Variants in NAALADL2 observed in about 807,000 individuals in gnomAD.
NAALADL2 encodes the protein N-acetylated alpha-linked acidic dipeptidase like 2.
Under a neutral mutation model 87.2 loss-of-function variants are expected in NAALADL2, and 76 were observed. The observed-to-expected ratio is 0.87, with a 90% CI of 0.72 to 1.05. NAALADL2 has a LOEUF of 1.05. Ranked by LOEUF, NAALADL2 falls within the 50% of genes least tolerant of loss-of-function variation. The probability of loss-of-function intolerance (pLI) is 0.00; values close to 1 mark genes in which losing one functional copy is unlikely to be tolerated. For missense variants in NAALADL2, 1,089 were observed against 945.8 expected, an observed-to-expected ratio of 1.15 and a Z score of -1.99; for synonymous variants, 354 against 331.0, an observed-to-expected ratio of 1.07 and a Z score of -0.75.
At chr3:175,510,484 C>A (rs2149392834) in intron 9 of NAALADL2, among the ~76,000 whole-genome samples, 1 of 152,246 alleles carries the variant, frequency 6.6e-6, no homozygotes, top group Non-Finnish European at 1.5e-5. Context: ...ATTAGATCTG[C>A]AAGTCTCCTA....
intron 1 of NAALADL2, among the ~76,000 whole-genome samples, chr3:174,884,754 C>T (rs923530980): frequency 1.3e-5 from 2 of 152,150 alleles, no homozygotes; most frequent in Non-Finnish European, 2.9e-5. Context: ...TGCCTGTTCT[C>T]CAGATTTCTG....
At chr3:174,720,556 A>G (rs976844070) in intron 2 of NAALADL2, among the ~76,000 whole-genome samples, 1 of 152,200 alleles carries the variant, frequency 6.6e-6, no homozygotes, top group African/African-American at 2.4e-5. Context: ...TATTGTAAAG[A>G]CTGAGACAAA....
intron 9 of NAALADL2, among the ~76,000 whole-genome samples, chr3:175,573,618 A>G (rs77375657): frequency 8.5e-5 from 13 of 152,378 alleles, no homozygotes; most frequent in African/African-American, 3.1e-4. Flanking sequence ...CTCGGGATTT[A>G]TAACATGATA....
At chr3:175,353,922 C>T (rs911478062) in intron 5 of NAALADL2, among the ~76,000 whole-genome samples, 1 of 152,130 alleles carries the variant, frequency 6.6e-6, no homozygotes, top group Non-Finnish European at 1.5e-5. Flanking sequence ...TGAAATTACC[C>T]AACAGCTGGA....
chr3:175,777,764 T>A (rs968755157), intron 13 of NAALADL2, among the ~76,000 whole-genome samples: 3 of 152,152 alleles, frequency 2.0e-5, no homozygotes, highest in Non-Finnish European at 4.4e-5. Flanking sequence ...CTGTAGTTTA[T>A]CCAGACCACA....
chr3:175,364,847 TAGTC>T (rs1311708318), intron 5 of NAALADL2, among the ~76,000 whole-genome samples: 2 of 147,884 alleles, frequency 1.4e-5, no homozygotes, highest in East Asian at 2.0e-4. Flanking sequence ...GATCACAAGT[TAGTC>T]AGTGGAGGAA....
At chr3:175,435,246 T>C (rs911935023) in intron 5 of NAALADL2, among the ~76,000 whole-genome samples, 1 of 152,014 alleles carries the variant, frequency 6.6e-6, no homozygotes, top group African/African-American at 2.4e-5. Context: ...AAAATGTCTT[T>C]AAAGAACACG....
At chr3:175,587,018 G>C (rs1720632026) in intron 10 of NAALADL2, among the ~76,000 whole-genome samples, 1 of 152,164 alleles carries the variant, frequency 6.6e-6, no homozygotes, top group Non-Finnish European at 1.5e-5. Flanking sequence ...ATTAAAGTAA[G>C]ATCAGAGGCA....
chr3:175,097,352 G>A (rs548231198), intron 2 of NAALADL2, 61 bp downstream of exon 2: 1 of 1,480,402 alleles, frequency 6.8e-7, no homozygotes, highest in African/African-American at 1.4e-5. Context: ...GTCTCACAGG[G>A]GGTATTGAAC....
chr3:175,164,169 A>G (rs545152674), intron 2 of NAALADL2, among the ~76,000 whole-genome samples: 92 of 152,232 alleles, frequency 6.0e-4, no homozygotes, highest in Admixed American at 1.7e-3. Flanking sequence ...AAATAAATGC[A>G]TGCACATTAA....
intron 3 of NAALADL2, among the ~76,000 whole-genome samples, chr3:174,781,347 TCTC>T (rs1715962832): frequency 6.6e-6 from 1 of 151,758 alleles, no homozygotes; most frequent in African/African-American, 2.4e-5. Flanking sequence ...TGGGGGAAGT[TCTC>T]CTGGATAATA....
At chr3:175,173,314 AAAT>A (rs1214942754) in intron 2 of NAALADL2, among the ~76,000 whole-genome samples, 3,470 of 53,986 alleles carry the variant, frequency 0.064, 82 homozygotes, top group African/African-American at 0.13. Flanking sequence ...TAAATAAAAT[AAAT>A]AAATAAATAA....
intron 2 of NAALADL2, among the ~76,000 whole-genome samples, chr3:175,110,379 T>C (rs1224150225): frequency 6.6e-6 from 1 of 151,796 alleles, no homozygotes; most frequent in Non-Finnish European, 1.5e-5. Context: ...TTTACAGACA[T>C]GGAAATTAAA....
At chr3:175,391,402 C>T (rs908780677) in intron 5 of NAALADL2, among the ~76,000 whole-genome samples, 1 of 152,182 alleles carries the variant, frequency 6.6e-6, no homozygotes, top group Admixed American at 6.5e-5. Flanking sequence ...TGTGGGCCCT[C>T]CCTTGATCTC....
intron 2 of NAALADL2, among the ~76,000 whole-genome samples, chr3:174,715,009 A>G (rs533205951): frequency 1.3e-5 from 2 of 152,204 alleles, no homozygotes; most frequent in African/African-American, 2.4e-5. Context: ...TAGCATGAAG[A>G]GTTGTTGAAT....
intron 9 of NAALADL2, among the ~76,000 whole-genome samples, chr3:175,548,468 G>C (rs1327341187): frequency 1.3e-5 from 2 of 151,972 alleles, no homozygotes; most frequent in African/African-American, 2.4e-5. Context: ...CTTAATACCT[G>C]GGTGAAAAAT....
At chr3:175,198,196 T>C (rs1739301058) in intron 2 of NAALADL2, among the ~76,000 whole-genome samples, 1 of 152,082 alleles carries the variant, frequency 6.6e-6, no homozygotes, top group Admixed American at 6.6e-5. Flanking sequence ...CAGTACTCAC[T>C]CCTAGCAAGG....
At chr3:174,901,776 G>T (rs1269979844) in intron 1 of NAALADL2, among the ~76,000 whole-genome samples, 1 of 152,086 alleles carries the variant, frequency 6.6e-6, no homozygotes, top group Non-Finnish European at 1.5e-5. Flanking sequence ...TACAATTGCT[G>T]GAATGGGCCA....
At chr3:174,558,769 G>C (rs1413286253) in intron 2 of NAALADL2, among the ~76,000 whole-genome samples, 1 of 152,120 alleles carries the variant, frequency 6.6e-6, no homozygotes, top group African/African-American at 2.4e-5. Context: ...TCCATGGCCT[G>C]AGGGTTGGGG....
Sources: gnomAD v4.1 joint callset for allele counts (sites outside exome capture counted in the v4.1 genomes callset) on GRCh38, gnomAD v4.1.1 for gene constraint, MANE v1.5 for transcripts, NCBI Gene and HGNC (gene_info 2026-07-23, HGNC 2026-07-21) for gene names.